The following BACE1 variants were observed in gnomAD, a reference collection of about 807,000 sequenced individuals.
The protein encoded by BACE1 is APP beta-secretase.
A neutral mutation model predicts 54.0 loss-of-function variants in BACE1; 21 were observed. That is an observed-to-expected ratio of 0.39 (90% CI 0.28 to 0.56). The LOEUF is 0.56. BACE1 is among the 20% of genes least tolerant of loss of function. The pLI is 0.63. For missense variants in BACE1, 511 were observed against 661.2 expected (o/e 0.77, Z 2.49); for synonymous variants, 232 against 260.9 (o/e 0.89, Z 1.07).
chr11:117,315,300 G>C lies in BACE1; in HGVS notation c.261+235C>G, dbSNP rs1223427270. Among the ~76,000 whole-genome samples, 1 of 152,174 alleles carries C rather than the reference G, an allele frequency of 6.6e-6. No homozygotes were observed. The highest frequency in any genetic ancestry group is 2.4e-5 in the African/African-American group (1 of 41,422). ...CTTGCCTCAAATCCTTCCAGACGGC[G>C]TATGTGTCAGATGAGGAGCAAGGGG... On this transcript the variant is annotated intron_variant, in intron 1 of 8. Coordinates refer to ENST00000313005, the MANE Select transcript of BACE1 (RefSeq NM_012104.6). This position sits in a 1 kb window ranked among gnomAD's most constrained non-coding sequence, Gnocchi z 5.5.
intron 6 of BACE1, among the ~76,000 whole-genome samples, 189 bp downstream of exon 6, chr11:117,291,523 A>G (rs534469473): frequency 1.3e-5 from 2 of 152,052 alleles, no homozygotes; most frequent in Admixed American, 1.3e-4. Flanking sequence ...TGATCTGCCC[A>G]CCTTGGCCTC....
intron 1 of BACE1, among the ~76,000 whole-genome samples, chr11:117,303,363 A>C (rs1012312190): frequency 6.6e-6 from 1 of 152,228 alleles, no homozygotes; most frequent in Non-Finnish European, 1.5e-5. Flanking sequence ...CTCAGAGGGA[A>C]GGCAGCTTCA....
At position 117,289,373 on chromosome 11, in the gene BACE1, T is replaced by A. The variant is rs989422104; in HGVS notation, c.*193A>T. The A allele has an allele frequency of 1.2e-6, 1 of 859,524 alleles. No homozygotes were observed. Among genetic ancestry groups the A allele is most frequent in the African/African-American group, 1.7e-5 (1 of 58,868 alleles). The allele number at this position is 859,524 out of a possible 1,614,324, so 53.2% of individuals were successfully genotyped here. On this transcript the variant is annotated 3_prime_UTR_variant, in exon 9 of 9. Transcript: ENST00000313005. ...GAGTGCTTCTTTCTTCTCTTTTCTG[T>A]TTCCTACAGGTACAGTCCCTGGAAC...
intron 1 of BACE1, among the ~76,000 whole-genome samples, chr11:117,311,317 C>T (rs1047356677): frequency 6.6e-6 from 1 of 152,152 alleles, no homozygotes; most frequent in Non-Finnish European, 1.5e-5. Context: ...CAGAGAGAGA[C>T]CCTGTAATTA....
chr11:117,295,090 G>A (rs551758014), intron 3 of BACE1, 41 bp downstream of exon 3: 2 of 1,541,152 alleles, frequency 1.3e-6, no homozygotes, highest in Non-Finnish European at 1.8e-6. Flanking sequence ...GTATAGTGCA[G>A]TGTGCATAGA....
chr11:117,304,964 CTT>C (rs59652945), intron 1 of BACE1, among the ~76,000 whole-genome samples: 12 of 125,456 alleles, frequency 9.6e-5, no homozygotes, highest in Admixed American at 2.4e-4. Context: ...TCTTCCTATT[CTT>C]TTTTTTTTTT....
intron 1 of BACE1, among the ~76,000 whole-genome samples, chr11:117,300,282 AAAG>A (rs2034694690): frequency 6.6e-6 from 1 of 152,084 alleles, no homozygotes; most frequent in Non-Finnish European, 1.5e-5. Context: ...CACACACACA[AAAG>A]AAAACCAGAA....
chr11:117,291,894 C>G (rs941681781), intron 5 of BACE1, 81 bp from the exon 6 acceptor site: 1 of 1,086,104 alleles, frequency 9.2e-7, no homozygotes, highest in African/African-American at 1.6e-5. Context: ...ACTGCTGGGG[C>G]CCCAGCTGGG....
intron 1 of BACE1, among the ~76,000 whole-genome samples, chr11:117,308,149 C>A (rs889672854): frequency 6.6e-6 from 1 of 152,040 alleles, no homozygotes; most frequent in East Asian, 1.9e-4. Context: ...TTTACAGAAC[C>A]CTGCCAAGCA....
chr11:117,295,008 G>C (rs1385548347), intron 3 of BACE1, 123 bp downstream of exon 3: 1 of 1,040,758 alleles, frequency 9.6e-7, no homozygotes, highest in South Asian at 1.5e-5. Flanking sequence ...CTATACCCCT[G>C]TTAAATAATC....
At chr11:117,300,157 G>A (rs1337092093) in intron 1 of BACE1, among the ~76,000 whole-genome samples, 1 of 151,906 alleles carries the variant, frequency 6.6e-6, no homozygotes, top group Non-Finnish European at 1.5e-5. Context: ...CCACCCCAAA[G>A]GGGGCCAGGC....
At chr11:117,307,594 G>A (rs1214168162) in intron 1 of BACE1, among the ~76,000 whole-genome samples, 3 of 152,226 alleles carry the variant, frequency 2.0e-5, no homozygotes, top group African/African-American at 4.8e-5. Context: ...TTACAGGTGT[G>A]AGCCACTGTG....
chr11:117,299,629 C>T (rs1047409651), intron 1 of BACE1: 2 of 387,542 alleles, frequency 5.2e-6, no homozygotes, highest in Admixed American at 6.3e-5. Context: ...CATTCCCCTC[C>T]CTGCCCCTCT....
intron 1 of BACE1, among the ~76,000 whole-genome samples, chr11:117,302,441 C>A (rs2034745950): frequency 6.6e-6 from 1 of 152,196 alleles, no homozygotes; most frequent in Non-Finnish European, 1.5e-5. Context: ...AGCCATGGTC[C>A]CTCTCGCAAA....
rs771760894 is a variant in BACE1 at position 117,315,682 on chromosome 11, G to C, written c.114C>G (p.Pro38=). Residue 38 remains proline (P), a synonymous_variant, in exon 1 of 9, where the codon CCC becomes CCG. Coordinates refer to ENST00000313005, the MANE Select transcript of BACE1 (RefSeq NM_012104.6). This position sits in a 1 kb window ranked among gnomAD's most constrained non-coding sequence, Gnocchi z 5.5. ...TCTCCCGGGGCAGCCGCAGCCCCAG[G>C]GGGGCGCCCCCCAGGCCGCTGCGCA... ...LPLRSGLGGA[P]LGLRLPRETD... is the part of the protein sequence containing the mutation. The C allele has an allele frequency of 1.3e-6, 2 of 1,528,796 alleles. No individual in the cohort carries two copies. Among genetic ancestry groups the C allele is most frequent in the Non-Finnish European group, 1.8e-6 (2 of 1,140,150 alleles). The allele number at this position is 1,528,796 out of a possible 1,614,324, so 94.7% of individuals were successfully genotyped here.
intron 1 of BACE1, among the ~76,000 whole-genome samples, chr11:117,307,824 C>T (rs966859877): frequency 6.6e-6 from 1 of 152,146 alleles, no homozygotes; most frequent in African/African-American, 2.4e-5. Context: ...TTGTGTGCAA[C>T]CCGAGGCCCA....
intron 1 of BACE1, among the ~76,000 whole-genome samples, chr11:117,304,883 C>T (rs898945016): frequency 6.6e-5 from 10 of 151,632 alleles, no homozygotes; most frequent in Non-Finnish European, 1.3e-4. Flanking sequence ...GTAGATGCTC[C>T]GTAATGATTT....
At chr11:117,301,839 T>C (rs1838595371) in intron 1 of BACE1, among the ~76,000 whole-genome samples, 1 of 152,212 alleles carries the variant, frequency 6.6e-6, no homozygotes, top group African/African-American at 2.4e-5. Flanking sequence ...TTGAATGTAT[T>C]CATTCCTTAT....
Position 117,293,452 on chromosome 11 carries a change from T to G in BACE1, c.706-264A>C. 1 of 332,336 alleles carries G rather than the reference T, an allele frequency of 3.0e-6. No homozygotes were observed. Among genetic ancestry groups the G allele is most frequent in the Admixed American group, 4.7e-5 (1 of 21,386 alleles). 20.6% of individuals were successfully genotyped at this position (332,336 alleles called of 1,614,324 possible). A position where few individuals can be genotyped will look rare whatever the true frequency, so the allele number is the denominator to read the frequency against. ...GATATAAAGTTATTTAAATCTAAAC[T>G]GCCACAATAAATGTTGAATGAATGG... is the stretch of plus-strand genomic sequence containing the variant. On this transcript the variant is annotated intron_variant, in intron 4 of 8. Transcript: ENST00000313005. This position sits in a 1 kb window ranked among gnomAD's most constrained non-coding sequence, Gnocchi z 4.1.
Sources: allele counts gnomAD v4.1 joint callset (sites outside exome capture counted in the v4.1 genomes callset), GRCh38; gene constraint gnomAD v4.1.1; non-coding constraint Gnocchi (gnomAD v3.1); transcripts MANE v1.5; gene names NCBI Gene and HGNC (gene_info 2026-07-23, HGNC 2026-07-21).